The following CELF2 variants were observed in gnomAD, a reference collection of about 807,000 sequenced individuals.
CELF2 encodes the protein CUG triplet repeat RNA-binding protein 2.
CELF2 carries 8 observed loss-of-function variants against 62.6 expected under a neutral mutation model. The ratio of observed to expected loss-of-function variants is 0.13; its 90% confidence interval spans 0.07 to 0.23. CELF2 has a LOEUF of 0.23. Ranked by LOEUF, CELF2 falls within the 10% of genes least tolerant of loss-of-function variation. The pLI is 1.00. For missense variants in CELF2, 333 were observed against 671.0 expected (o/e 0.50, Z 5.56); for synonymous variants, 258 against 250.0 (o/e 1.03, Z -0.30).
chr10:11,298,353 A>T (rs937495070), intron 9 of CELF2, among the ~76,000 whole-genome samples: 15 of 152,244 alleles, frequency 9.9e-5, no homozygotes, highest in African/African-American at 3.6e-4. Flanking sequence ...ATCAGGGCTG[A>T]GTCAGCAGGT....
the CELF2 span, among the ~76,000 whole-genome samples, chr10:10,613,055 C>T: frequency 2.0e-5 from 3 of 152,200 alleles, no homozygotes; most frequent in South Asian, 2.1e-4. Flanking sequence ...AAACGCTCAA[C>T]AGACACCCAT....
rs1232496511 is a variant in CELF2 at position 11,314,997 on chromosome 10, C to T, written c.1096+739C>T. ...TAGAAAATTGTACTTGGTTCCGAAA[C>T]ATATGGATGGACTCACCAGAGAACT... is the stretch of plus-strand genomic sequence containing the variant. On this transcript the variant is annotated intron_variant, in intron 10 of 12. Coordinates refer to ENST00000633077, the MANE Select transcript of CELF2 (RefSeq NM_001326342.2). This position sits in a 1 kb window ranked among gnomAD's most constrained non-coding sequence, Gnocchi z 5.3. Among the ~76,000 whole-genome samples the T allele has an allele frequency of 2.0e-5, 3 of 152,108 alleles. No homozygotes were observed. The highest frequency in any genetic ancestry group is 4.8e-5 in the African/African-American group (2 of 41,412).
chr10:10,620,482 T>A, the CELF2 span, among the ~76,000 whole-genome samples: 1 of 147,690 alleles, frequency 6.8e-6, no homozygotes, highest in African/African-American at 2.5e-5. Flanking sequence ...CAGAGATTAG[T>A]ACGTTTACCA....
At chr10:11,232,174 G>T (rs987539992) in intron 3 of CELF2, among the ~76,000 whole-genome samples, 7 of 151,784 alleles carry the variant, frequency 4.6e-5, no homozygotes, top group African/African-American at 1.5e-4. Flanking sequence ...CCCGGTGTGT[G>T]ATGTTCCCCT....
In CELF2 at chr10:11,244,963, C is replaced by T. The variant is rs943644930; in HGVS notation, c.355-4190C>T. On this transcript the variant is annotated intron_variant, in intron 3 of 12. Coordinates refer to ENST00000633077, the MANE Select transcript of CELF2 (RefSeq NM_001326342.2). The surrounding 1 kb of genome is among the most constrained non-coding windows in gnomAD (Gnocchi z 4.2). Reference sequence around the variant, plus strand: ...ACAGCTCTTACCACGTCTCTTATCACGCTGTGGGAAATGCTTGCTGTATCT... The same window carrying T: ...ACAGCTCTTACCACGTCTCTTATCATGCTGTGGGAAATGCTTGCTGTATCT... Among the ~76,000 whole-genome samples, 4 of 152,148 alleles carry T rather than the reference C, an allele frequency of 2.6e-5. No individual in the cohort carries two copies. Among genetic ancestry groups the T allele is most frequent in the African/African-American group, 4.8e-5 (2 of 41,444 alleles).
the CELF2 span, among the ~76,000 whole-genome samples, chr10:10,643,745 C>T: frequency 2.0e-5 from 3 of 152,050 alleles, no homozygotes; most frequent in African/African-American, 7.2e-5. Context: ...ATAAACCTAC[C>T]CAGCCTTCTC....
At chr10:11,320,312 G>A (rs966952917) in intron 10 of CELF2, among the ~76,000 whole-genome samples, 3 of 152,210 alleles carry the variant, frequency 2.0e-5, no homozygotes, top group African/African-American at 7.2e-5. Flanking sequence ...GTTCCCATCA[G>A]GTGATAGCCA....
At chr10:10,736,383 T>TCTTC in the CELF2 span, among the ~76,000 whole-genome samples, 3 of 86,258 alleles carry the variant, frequency 3.5e-5, no homozygotes, top group African/African-American at 1.4e-4. Flanking sequence ...TTTCTTTCTT[T>TCTTC]CTTTCTTTCT....
intron 1 of CELF2, among the ~76,000 whole-genome samples, chr10:10,832,197 G>A (rs2057917407): frequency 6.6e-6 from 1 of 151,892 alleles, no homozygotes; most frequent in Non-Finnish European, 1.5e-5. Context: ...GGACCCAGGA[G>A]GCGGAGGTTC....
the CELF2 span, among the ~76,000 whole-genome samples, chr10:10,653,181 T>C: frequency 1.3e-5 from 2 of 152,104 alleles, no homozygotes; most frequent in East Asian, 1.9e-4. Context: ...CCTAAATATA[T>C]ATGCACCCAA....
chr10:11,086,307 C>T (rs1459344163), intron 1 of CELF2, among the ~76,000 whole-genome samples: 2 of 151,894 alleles, frequency 1.3e-5, no homozygotes, highest in Non-Finnish European at 2.9e-5. Context: ...CGTATTTTTC[C>T]CTCCGCCTGG....
intron 1 of CELF2, among the ~76,000 whole-genome samples, chr10:11,079,751 C>CA (rs1554822795): frequency 1.3e-5 from 1 of 77,650 alleles, no homozygotes; most frequent in African/African-American, 5.3e-5. Flanking sequence ...GCCCCCCCCC[C>CA]CTTTTTAGGC....
intron 2 of CELF2, among the ~76,000 whole-genome samples, chr10:11,185,160 T>C (rs1470457731): frequency 1.3e-5 from 2 of 152,146 alleles, no homozygotes; most frequent in Non-Finnish European, 2.9e-5. Flanking sequence ...TTTGTAAATA[T>C]GACAAATCAC....
At chr10:10,779,865 A>C in the CELF2 span, among the ~76,000 whole-genome samples, 1 of 152,184 alleles carries the variant, frequency 6.6e-6, no homozygotes, top group Non-Finnish European at 1.5e-5. Flanking sequence ...TATTAAAAAA[A>C]AAAAAACTTT....
chr10:11,232,948 T>C (rs562148037), intron 3 of CELF2, among the ~76,000 whole-genome samples: 54 of 152,318 alleles, frequency 3.5e-4, no homozygotes, highest in Non-Finnish European at 7.3e-5. Flanking sequence ...GCAGACACTA[T>C]AGCTTGGACT....
chr10:10,597,068 A>G, the CELF2 span, among the ~76,000 whole-genome samples: 1 of 152,198 alleles, frequency 6.6e-6, no homozygotes, highest in African/African-American at 2.4e-5. Context: ...GCTTACCCCC[A>G]GGACACCCTC....
the CELF2 span, among the ~76,000 whole-genome samples, chr10:10,694,744 T>C: frequency 5.3e-5 from 8 of 152,040 alleles, no homozygotes; most frequent in East Asian, 1.5e-3. Context: ...TCTTGTTGAA[T>C]TGATCCCTTT....
chr10:10,757,939 T>A, the CELF2 span, among the ~76,000 whole-genome samples: 1 of 152,194 alleles, frequency 6.6e-6, no homozygotes, highest in African/African-American at 2.4e-5. Flanking sequence ...CCACACTGTT[T>A]GAGCCCCGGG....
the CELF2 span, among the ~76,000 whole-genome samples, chr10:10,494,775 AT>A: frequency 2.0e-5 from 3 of 152,196 alleles, no homozygotes; most frequent in African/African-American, 7.2e-5. Context: ...TCTATAAAAA[AT>A]AATATGATTA....
Sources: gnomAD v4.1 joint callset for allele counts (sites outside exome capture counted in the v4.1 genomes callset) on GRCh38, gnomAD v4.1.1 for gene constraint, Gnocchi (gnomAD v3.1) non-coding constraint, MANE v1.5 for transcripts, NCBI Gene and HGNC (gene_info 2026-07-23, HGNC 2026-07-21) for gene names.